TRPS1: variants seen among roughly 807,000 people sequenced by gnomAD.
TRPS1 encodes the protein transcriptional repressor GATA binding 1.
TRPS1 carries 6 observed loss-of-function variants against 101.2 expected under a neutral mutation model. The observed-to-expected ratio is 0.06, with a 90% CI of 0.03 to 0.12. The LOEUF (loss-of-function observed/expected upper bound fraction) is 0.12, where lower values mean the gene tolerates loss of function less well. Ranked by LOEUF, TRPS1 falls within the 10% of genes least tolerant of loss-of-function variation. The pLI, the probability that TRPS1 is intolerant of heterozygous loss-of-function variation, is 1.00. For missense variants in TRPS1, 1,363 were observed against 1,567.0 expected (o/e 0.87, Z 2.20); for synonymous variants, 578 against 589.8 (o/e 0.98, Z 0.29).
intron 5 of TRPS1, among the ~76,000 whole-genome samples, chr8:115,453,230 G>A (rs1167076979): frequency 2.0e-5 from 3 of 151,918 alleles, no homozygotes; most frequent in Non-Finnish European, 2.9e-5. Flanking sequence ...CATCTTGGCC[G>A]GGCTGGTCTT....
intron 5 of TRPS1, among the ~76,000 whole-genome samples, chr8:115,475,426 A>G (rs972463511): frequency 6.6e-6 from 1 of 151,754 alleles, no homozygotes; most frequent in Admixed American, 6.6e-5. Flanking sequence ...CTTGGAAACT[A>G]TCATAACTGT....
chr8:115,658,234 T>A (rs1811718885), intron 1 of TRPS1, among the ~76,000 whole-genome samples: 1 of 152,016 alleles, frequency 6.6e-6, no homozygotes, highest in Admixed American at 6.6e-5. Context: ...CAAATGAACT[T>A]ACAGGACCTT....
chr8:115,466,374 G>A (rs1189688061), intron 5 of TRPS1, among the ~76,000 whole-genome samples: 1 of 152,106 alleles, frequency 6.6e-6, no homozygotes, highest in Non-Finnish European at 1.5e-5. Flanking sequence ...ATTCAGAAAA[G>A]GAAATTGTTG....
chr8:115,442,968 C>T (rs1389741556), intron 5 of TRPS1, among the ~76,000 whole-genome samples: 3 of 151,920 alleles, frequency 2.0e-5, no homozygotes, highest in African/African-American at 4.8e-5. Flanking sequence ...TGGTGGCGGG[C>T]GCCTGTAGTC....
chr8:115,413,823 T>C lies in TRPS1; in HGVS notation c.*200A>G, dbSNP rs1812845098. ...GTGATTGTTTACCATCTTCCATTCT[T>C]TCTCATTGACCATTTATCTCACTTT... On this transcript the variant is annotated 3_prime_UTR_variant, in exon 7 of 7. Transcript: ENST00000395715. The C allele has an allele frequency of 3.3e-6, 2 of 598,006 alleles. No homozygotes were observed. The highest frequency in any genetic ancestry group is 5.8e-6 in the Non-Finnish European group (2 of 347,632). The allele number at this position is 598,006 out of a possible 1,614,324, so 37.0% of individuals were successfully genotyped here. A position where few individuals can be genotyped will look rare whatever the true frequency, so the allele number is the denominator to read the frequency against.
chr8:115,517,113 A>C (rs1472420163), intron 5 of TRPS1, among the ~76,000 whole-genome samples: 1 of 151,608 alleles, frequency 6.6e-6, no homozygotes, highest in African/African-American at 2.4e-5. Flanking sequence ...CAAATCTAGA[A>C]TATTTTCTGC....
chr8:115,434,071 G>GC (rs5894256), intron 5 of TRPS1, among the ~76,000 whole-genome samples: 152,184 of 152,184 alleles, frequency 1, 76,092 homozygotes, highest in Non-Finnish European at 1. Flanking sequence ...TATGCAAAAG[G>GC]CCATACGCTG....
chr8:115,635,199 A>G (rs957885609), intron 1 of TRPS1, among the ~76,000 whole-genome samples: 3 of 152,228 alleles, frequency 2.0e-5, no homozygotes, highest in African/African-American at 7.2e-5. Flanking sequence ...TAGTCCTGTC[A>G]AAAAGTCCTA....
intron 5 of TRPS1, among the ~76,000 whole-genome samples, chr8:115,443,131 G>A (rs140691872): frequency 6.6e-5 from 10 of 151,678 alleles, no homozygotes; most frequent in Admixed American, 3.9e-4. Context: ...ATAGCTGGAC[G>A]TGGTGGCATA....
chr8:115,535,166 G>GCATATA (rs1816257431), intron 5 of TRPS1, among the ~76,000 whole-genome samples: 1 of 25,842 alleles, frequency 3.9e-5, no homozygotes. Flanking sequence ...TATAGCATAT[G>GCATATA]TATTGCATAT....
intron 5 of TRPS1, among the ~76,000 whole-genome samples, chr8:115,456,552 A>C (rs1814030467): frequency 6.6e-6 from 1 of 152,216 alleles, no homozygotes; most frequent in Admixed American, 6.5e-5. Context: ...CAGAATAAAT[A>C]TACTTTAGAA....
chr8:115,559,919 T>C (rs1816908599), intron 5 of TRPS1, among the ~76,000 whole-genome samples: 1 of 152,066 alleles, frequency 6.6e-6, no homozygotes, highest in Non-Finnish European at 1.5e-5. Flanking sequence ...TAACATTATA[T>C]ACTTATAGAA....
At chr8:115,453,853 G>A (rs1813946236) in intron 5 of TRPS1, among the ~76,000 whole-genome samples, 2 of 152,184 alleles carry the variant, frequency 1.3e-5, no homozygotes, top group African/African-American at 2.4e-5. Flanking sequence ...TATACATTTG[G>A]TCTTGCCCAC....
intron 1 of TRPS1, among the ~76,000 whole-genome samples, chr8:115,653,740 A>C (rs537993885): frequency 1.4e-4 from 22 of 152,344 alleles, no homozygotes; most frequent in African/African-American, 4.8e-4. Flanking sequence ...AAATCCATGC[A>C]AATGGAAGTA....
chr8:115,467,114 T>C (rs1207656976), intron 5 of TRPS1, among the ~76,000 whole-genome samples: 2 of 152,144 alleles, frequency 1.3e-5, no homozygotes, highest in African/African-American at 2.4e-5. Flanking sequence ...CAGCTTCTTG[T>C]TTCTCACAAA....
chr8:115,588,239 GTTC>G (rs1440506227), intron 4 of TRPS1, among the ~76,000 whole-genome samples: 2 of 152,122 alleles, frequency 1.3e-5, no homozygotes, highest in Non-Finnish European at 2.9e-5. Context: ...GAAATAAAGT[GTTC>G]TTTTCTATCA....
At chr8:115,613,934 T>C (rs1818223923) in intron 3 of TRPS1, among the ~76,000 whole-genome samples, 1 of 152,244 alleles carries the variant, frequency 6.6e-6, no homozygotes, top group African/African-American at 2.4e-5. Context: ...CAAGGGTTTG[T>C]ATGATATTCT....
chr8:115,513,760 C>G (rs972409835), intron 5 of TRPS1, among the ~76,000 whole-genome samples: 2 of 151,560 alleles, frequency 1.3e-5, no homozygotes, highest in Admixed American at 6.6e-5. Flanking sequence ...CTCATAGTTC[C>G]TCTTTCAAAT....
chr8:115,509,200 G>A (rs868396540), intron 5 of TRPS1, among the ~76,000 whole-genome samples: 6 of 151,914 alleles, frequency 3.9e-5, no homozygotes, highest in East Asian at 1.9e-4. Context: ...CCCTGAAGCC[G>A]AACTCCTTAT....
Sources: gnomAD v4.1 joint callset for allele counts (sites outside exome capture counted in the v4.1 genomes callset) on GRCh38, gnomAD v4.1.1 for gene constraint, MANE v1.5 for transcripts, NCBI Gene and HGNC (gene_info 2026-07-23, HGNC 2026-07-21) for gene names.